MMP26: variants seen among roughly 807,000 people sequenced by gnomAD.
The protein encoded by MMP26 is matrix metalloproteinase-26.
Under a neutral mutation model 31.0 loss-of-function variants are expected in MMP26, and 33 were observed. The observed-to-expected ratio is 1.06, with a 90% confidence interval of 0.81 to 1.42. MMP26 has a LOEUF of 1.42. MMP26 is among the 40% of genes most tolerant of loss of function. The pLI is 0.00. For synonymous variants in MMP26, 122 were observed against 114.9 expected, an observed-to-expected ratio of 1.06 and a Z score of -0.40; for missense variants, 347 against 316.1, an observed-to-expected ratio of 1.10 and a Z score of -0.74.
At chr11:4,854,981 A>G (rs1850029694) in intron 2 of MMP26, among the ~76,000 whole-genome samples, 1 of 152,252 alleles carries the variant, frequency 6.6e-6, no homozygotes, top group Non-Finnish European at 1.5e-5. Flanking sequence ...GCAAACTCCA[A>G]CAGAGCTACA....
intron 2 of MMP26, among the ~76,000 whole-genome samples, chr11:4,776,720 T>C (rs538765746): frequency 6.6e-6 from 1 of 152,186 alleles, no homozygotes; most frequent in African/African-American, 2.4e-5. Context: ...GTGTGGCATT[T>C]CCCCCTTTGC....
chr11:4,752,244 A>G (rs1361820196), intron 1 of MMP26: 1 of 152,292 alleles, frequency 6.6e-6, no homozygotes, highest in Admixed American at 6.5e-5. Flanking sequence ...AACAGCAGTG[A>G]TATGAGAAAT....
At chr11:4,908,234 A>G (rs1850934924) in intron 2 of MMP26, 5 of 1,614,056 alleles carry the variant, frequency 3.1e-6, no homozygotes, top group South Asian at 2.2e-5. Context: ...TATGAACCCC[A>G]TTGTGTACTG....
intron 2 of MMP26, among the ~76,000 whole-genome samples, chr11:4,810,972 A>T (rs889900231): frequency 6.6e-6 from 1 of 152,210 alleles, no homozygotes; most frequent in African/African-American, 2.4e-5. Context: ...ACATGGATAC[A>T]ATTACCAAGG....
intron 2 of MMP26, chr11:4,795,242 A>T (rs12282736): frequency 6.6e-6 from 1 of 152,258 alleles, no homozygotes; most frequent in African/African-American, 2.4e-5. Context: ...CAGGAAACGG[A>T]TCCAGAATTG....
intron 1 of MMP26, among the ~76,000 whole-genome samples, chr11:4,739,175 C>T (rs2133290837): frequency 6.6e-6 from 1 of 152,234 alleles, no homozygotes; most frequent in African/African-American, 2.4e-5. Flanking sequence ...CTTTCTAGCC[C>T]AATATTGTTG....
chr11:4,878,175 C>T (rs1477370605), intron 2 of MMP26: 1 of 152,048 alleles, frequency 6.6e-6, no homozygotes, highest in South Asian at 2.1e-4. Context: ...TAGTAAAATG[C>T]TTTTGAGATT....
At chr11:4,828,400 G>T (rs1849605784) in intron 2 of MMP26, among the ~76,000 whole-genome samples, 1 of 152,126 alleles carries the variant, frequency 6.6e-6, no homozygotes, top group Non-Finnish European at 1.5e-5. Flanking sequence ...TTGGTCATCT[G>T]TGTTTCTCAG....
chr11:4,906,705 G>A (rs141800287), intron 2 of MMP26, among the ~76,000 whole-genome samples: 5 of 152,292 alleles, frequency 3.3e-5, no homozygotes, highest in African/African-American at 1.2e-4. Flanking sequence ...GCTGAAGACT[G>A]TATGGAAAAA....
intron 2 of MMP26, chr11:4,832,862 T>G (rs1849665119): frequency 5.2e-6 from 1 of 193,458 alleles, no homozygotes; most frequent in African/African-American, 2.3e-5. Context: ...CCTGTGTGTC[T>G]CATATCTGTG....
chr11:4,869,324 A>G (rs1746292347), intron 2 of MMP26, among the ~76,000 whole-genome samples: 1 of 152,242 alleles, frequency 6.6e-6, no homozygotes, highest in Non-Finnish European at 1.5e-5. Context: ...CCCATCTGAC[A>G]AAGGGCTAAT....
chr11:4,826,899 A>G (rs762047380), intron 2 of MMP26, among the ~76,000 whole-genome samples: 1 of 152,186 alleles, frequency 6.6e-6, no homozygotes, highest in Non-Finnish European at 1.5e-5. Flanking sequence ...AAATAAAAAG[A>G]CAGAAACAGT....
intron 2 of MMP26, among the ~76,000 whole-genome samples, chr11:4,933,529 TTTTTTTTTTG>T (rs1564809837): frequency 1.1e-4 from 5 of 44,640 alleles, no homozygotes; most frequent in Non-Finnish European, 2.6e-4. Context: ...TTTTTTTTGT[TTTTTTTTTTG>T]TTTGTTTTTG....
chr11:4,780,048 T>C lies in MMP26; in HGVS notation c.-145+12707T>C, dbSNP rs1476386889. ...AGTTTTTCTCATTATCATCATTGCATAGAATTCCATTTGTGGGTATACATC... is the reference window on the plus strand; with the variant it reads ...AGTTTTTCTCATTATCATCATTGCACAGAATTCCATTTGTGGGTATACATC... On this transcript the variant is annotated intron_variant, in intron 2 of 7. Coordinates refer to ENST00000380390, the MANE Select transcript of MMP26 (RefSeq NM_021801.5). Among the ~76,000 whole-genome samples, 3 of 152,174 alleles carry C rather than the reference T, an allele frequency of 2.0e-5. No homozygotes were observed. In the East Asian group the frequency reaches 5.8e-4, roughly 29 times the overall value.
At chr11:4,920,027 T>A (rs1851159485) in intron 2 of MMP26, among the ~76,000 whole-genome samples, 1 of 125,514 alleles carries the variant, frequency 8.0e-6, no homozygotes, top group African/African-American at 2.6e-5. Flanking sequence ...GAAAAGGAGT[T>A]TTTATGTGAT....
intron 1 of MMP26, among the ~76,000 whole-genome samples, chr11:4,705,798 G>T (rs1211240028): frequency 6.6e-6 from 1 of 152,048 alleles, no homozygotes; most frequent in Non-Finnish European, 1.5e-5. Flanking sequence ...GACCATCCTG[G>T]CCAACATGGT....
At chr11:4,901,707 CTAATGTT>C (rs1850805053) in intron 2 of MMP26, among the ~76,000 whole-genome samples, 1 of 152,066 alleles carries the variant, frequency 6.6e-6, no homozygotes. Context: ...AAAAACTTCT[CTAATGTT>C]TAAGATTCCT....
intron 2 of MMP26, among the ~76,000 whole-genome samples, chr11:4,771,632 T>C (rs1848722178): frequency 6.6e-6 from 1 of 152,192 alleles, no homozygotes. Context: ...ATGAGTATAA[T>C]GTTAGTATTT....
intron 2 of MMP26, among the ~76,000 whole-genome samples, chr11:4,835,749 G>T (rs1849710150): frequency 6.6e-6 from 1 of 152,162 alleles, no homozygotes; most frequent in African/African-American, 2.4e-5. Context: ...CAAAGTTGCA[G>T]CTTTCTGTCT....
Sources: gnomAD v4.1 joint callset for allele counts (sites outside exome capture counted in the v4.1 genomes callset) on GRCh38, gnomAD v4.1.1 for gene constraint, MANE v1.5 for transcripts, NCBI Gene and HGNC (gene_info 2026-07-23, HGNC 2026-07-21) for gene names.